SPATA31D1: variants seen among roughly 807,000 people sequenced by gnomAD.
SPATA31D1 encodes SPATA31 subfamily D member 1.
Under a neutral mutation model 13.2 loss-of-function variants are expected in SPATA31D1, and 6 were observed. That is an observed-to-expected ratio of 0.46 (90% CI 0.25 to 0.90). SPATA31D1 has a LOEUF of 0.90. Ranked by LOEUF, SPATA31D1 falls within the 40% of genes least tolerant of loss-of-function variation. The pLI, the probability that SPATA31D1 is intolerant of heterozygous loss-of-function variation, is 0.18. For missense variants in SPATA31D1, 2,445 were observed against 1,884.7 expected (o/e 1.30, Z -5.50); for synonymous variants, 903 against 718.8 (o/e 1.26, Z -4.10).
At chr9:81,987,894 G>T (rs142175796), upstream of SPATA31D1, among the ~76,000 whole-genome samples, 592 of 152,308 alleles carry the variant, frequency 3.9e-3, 6 homozygotes, top group African/African-American at 0.014. Flanking sequence ...AACTGGAGTT[G>T]GCACAGAACA....
chr9:81,991,799 G>A lies in SPATA31D1; in HGVS notation c.1329G>A (p.Arg443=), dbSNP rs750684430. ...KKPGSFPKQL[R]PNYQLNSSRN... ...CAGGATCATTCCCAAAACAACTTAG[G>A]CCAAACTACCAACTAAATTCCTCAC... Residue 443 remains arginine (R), a synonymous_variant, in exon 4 of 4, where the codon AGG becomes AGA. Coordinates refer to ENST00000344803, the MANE Select transcript of SPATA31D1 (RefSeq NM_001001670.3). 6.2e-7 allele frequency: 1 copy of A among 1,613,736 alleles called. No individual in the cohort carries two copies.
chr9:81,991,152 C>T lies in SPATA31D1; in HGVS notation c.682C>T (p.Pro228Ser). The T allele has an allele frequency of 1.2e-6, 2 of 1,613,838 alleles. No individual in the cohort carries two copies. The highest frequency in any genetic ancestry group is 1.3e-5 in the African/African-American group (1 of 75,052). ...CCCTCTGCCACCACAGCCTGTTTCT[C>T]CCTTGGATTCCAAGTTCCCCATAGA... ...RDPLPPQPVS[P>S]LDSKFPIDHS... The change falls in exon 4 of 4, where the codon CCC becomes TCC. Residue 228 changes from proline to serine, a missense_variant. By Grantham distance (74) the Pro-to-Ser change is moderately conservative (BLOSUM62 -1). Transcript: ENST00000344803.
chr9:81,992,118 C>G lies in SPATA31D1; in HGVS notation c.1648C>G (p.Pro550Ala), dbSNP rs761618731. The stretch of plus-strand genomic sequence containing the variant: ...CCATGAATCCCCAGTACTTCCCCCT[C>G]CCCAACCTCTGTCCTTGCCTAGTAC... ...ISHESPVLPP[P>A]QPLSLPSTQP... Residue 550 changes from proline to alanine, a missense_variant, in exon 4 of 4, where the codon CCC (proline) becomes GCC (alanine). Transcript: ENST00000344803. 3.1e-6 allele frequency: 5 copies of G among 1,613,658 alleles called. No homozygotes were observed. The highest frequency in any genetic ancestry group is 1.1e-5 in the South Asian group (1 of 91,070).
chr9:81,989,539 GCTAA>G lies in SPATA31D1; in HGVS notation c.187-236_187-233del, dbSNP rs532242173. On this transcript the variant is annotated intron_variant, in intron 1 of 3. Transcript: ENST00000344803. ...TGAGTCTTTGCCCTCCTTCAGAATT[GCTAA>G]CTGAGTACATCAAGTGTGGCTCTCA... is the stretch of plus-strand genomic sequence containing the variant. Among the ~76,000 whole-genome samples the G allele has an allele frequency of 4.5e-3, 679 of 152,296 alleles. 2 individuals are homozygous for G. Among genetic ancestry groups the G allele is most frequent in the African/African-American group, 0.015 (633 of 41,564 alleles).
Position 81,990,903 on chromosome 9 carries a change from T to A in SPATA31D1, c.433T>A (p.Ser145Thr), listed in dbSNP as rs991217840. 5 of 1,613,824 alleles carry A rather than the reference T, an allele frequency of 3.1e-6. No homozygotes were observed. Among genetic ancestry groups the A allele is most frequent in the Non-Finnish European group, 4.2e-6 (5 of 1,179,878 alleles). ...AACTGCTGATATCCAGCAACTGCTG[T>A]CTTGGGAGTCCCTGAAAGATGCTGC... ...RATADIQQLL[S>T]WESLKDAAPS... Residue 145 changes from serine (S) to threonine (T), a missense_variant, in exon 4 of 4, where the codon TCT becomes ACT. By Grantham distance (58) the Ser-to-Thr change is moderately conservative (BLOSUM62 1). Coordinates refer to ENST00000344803, the MANE Select transcript of SPATA31D1 (RefSeq NM_001001670.3).
rs1488224591 is a variant in SPATA31D1 at position 81,993,189 on chromosome 9, A to T, written c.2719A>T (p.Ile907Phe). 1 of 1,613,972 alleles carries T rather than the reference A, an allele frequency of 6.2e-7. No homozygotes were observed. The highest frequency in any genetic ancestry group is 1.1e-5 in the South Asian group (1 of 91,072). ...CAAACAAAAGATGTTGGAAGCCCAT[A>T]TTAAAACTTTCCGTATGAGGATGCT... ...SNKQKMLEAH[I>F]KTFRMRMLWG... The change falls in exon 4 of 4, where the codon ATT (isoleucine) becomes TTT (phenylalanine). Residue 907 changes from isoleucine (I) to phenylalanine (F), a missense_variant. By Grantham distance (21) the Ile-to-Phe change is conservative. Transcript: ENST00000344803.
Position 81,994,686 on chromosome 9 carries a change from A to G in SPATA31D1, c.4216A>G (p.Arg1406Gly). The part of the protein sequence containing the change: ...FTGTTEAQKI[R>G]KDTREFLEEK... The stretch of plus-strand genomic sequence containing the variant: ...TGGGACTACTGAAGCTCAGAAAATT[A>G]GGAAAGACACTAGGGAGTTCCTAGA... The change falls in exon 4 of 4, where the codon AGG (arginine) becomes GGG (glycine). Residue 1406 changes from arginine (R) to glycine (G), a missense_variant. Physicochemically the swap from Arg to Gly is moderately radical, Grantham distance 125 (BLOSUM62 -2). Coordinates refer to ENST00000344803, the MANE Select transcript of SPATA31D1 (RefSeq NM_001001670.3). The G allele has an allele frequency of 6.2e-7, 1 of 1,613,684 alleles. No homozygotes were observed. The highest frequency in any genetic ancestry group is 1.3e-5 in the African/African-American group (1 of 75,026).
Position 81,992,536 on chromosome 9 carries a change from A to C in SPATA31D1, c.2066A>C (p.Gln689Pro), listed in dbSNP as rs1824995527. 3 of 1,611,852 alleles carry C rather than the reference A, an allele frequency of 1.9e-6. No individual in the cohort carries two copies. Among genetic ancestry groups the C allele is most frequent in the Non-Finnish European group, 2.5e-6 (3 of 1,179,738 alleles). The part of the protein sequence containing the change: ...LSSEVRKKLE[Q>P]HIRRRLIQRR... ...TCTGAGGTAAGGAAGAAACTAGAGCAACACATTCGAAGGAGGCTCATCCAG... is the reference window on the plus strand; with the variant it reads ...TCTGAGGTAAGGAAGAAACTAGAGCCACACATTCGAAGGAGGCTCATCCAG... The change falls in exon 4 of 4, where the codon CAA becomes CCA. Residue 689 changes from glutamine (Q) to proline (P), a missense_variant. Physicochemically the swap from Gln to Pro is moderately conservative, Grantham distance 76. Transcript: ENST00000344803.
rs369084497 is a variant in SPATA31D1 at position 81,992,696 on chromosome 9, C to A, written c.2226C>A (p.Cys742Ter). ...TCTCTTTGGTTGAGGGTCAGAGGTG[C>A]AATGTTCTAAAGAAGTCCGCATCAA... ...LNISLVEGQR[C>*]NVLKKSASSF... Residue 742 changes from cysteine to a stop codon, truncating the protein, a stop_gained, in exon 4 of 4, where the codon TGC (cysteine) becomes TGA (stop). Transcript: ENST00000344803. LOFTEE classifies it low-confidence loss of function (END_TRUNC). 6.2e-7 allele frequency: 1 copy of A among 1,613,780 alleles called. No homozygotes were observed. Among genetic ancestry groups the A allele is most frequent in the Admixed American group, 1.7e-5 (1 of 60,016 alleles).
Position 81,995,222 on chromosome 9 carries a change from T to C in SPATA31D1, c.*21T>C. On this transcript the variant is annotated 3_prime_UTR_variant, in exon 4 of 4. Transcript: ENST00000344803. Reference sequence around the variant, plus strand: ...AATAATTCACTCCTTGTTGAGAATCTTGATTCTCCCCAATAAATGTTCCAA... The same window carrying C: ...AATAATTCACTCCTTGTTGAGAATCCTGATTCTCCCCAATAAATGTTCCAA... 6.8e-7 allele frequency: 1 copy of C among 1,472,798 alleles called. No individual in the cohort carries two copies. The highest frequency in any genetic ancestry group is 9.0e-7 in the Non-Finnish European group (1 of 1,105,590). 91.2% of individuals were successfully genotyped at this position (1,472,798 alleles called of 1,614,324 possible). A position where few individuals can be genotyped will look rare whatever the true frequency, so the allele number is the denominator to read the frequency against.
At position 81,992,023 on chromosome 9, in the gene SPATA31D1, C is replaced by A. The variant is rs770938754; in HGVS notation, c.1553C>A (p.Thr518Asn). The A allele has an allele frequency of 1.9e-6, 3 of 1,613,834 alleles. No individual in the cohort carries two copies. The highest frequency in any genetic ancestry group is 2.5e-6 in the Non-Finnish European group (3 of 1,179,726). Residue 518 changes from threonine to asparagine, a missense_variant, in exon 4 of 4, where the codon ACT becomes AAT. Thr to Asn is a moderately conservative substitution (Grantham distance 65, BLOSUM62 0). Transcript: ENST00000344803. ...PSLHSESLHP[T>N]VLVQRGHSSM... ...TTGCACAGCGAGTCTCTGCATCCTA[C>A]TGTTCTTGTCCAACGTGGCCATTCC...
In SPATA31D1 at chr9:81,992,525, G is replaced by A; in HGVS notation, c.2055G>A (p.Lys685=). The A allele has an allele frequency of 6.2e-7, 1 of 1,611,924 alleles. No individual in the cohort carries two copies. Among genetic ancestry groups the A allele is most frequent in the Non-Finnish European group, 8.5e-7 (1 of 1,179,726 alleles). The change falls in exon 4 of 4, where the codon AAG becomes AAA. Residue 685 remains lysine, a synonymous_variant. Transcript: ENST00000344803. ...TTCCACTCAGCTCTGAGGTAAGGAA[G>A]AAACTAGAGCAACACATTCGAAGGA... ...GDFPLSSEVR[K]KLEQHIRRRL...
chr9:81,992,234 C>T lies in SPATA31D1; in HGVS notation c.1764C>T (p.Phe588=). 6.2e-7 allele frequency: 1 copy of T among 1,613,762 alleles called. No individual in the cohort carries two copies. Among genetic ancestry groups the T allele is most frequent in the South Asian group, 1.1e-5 (1 of 91,074 alleles). ...CCCTGGCTCAACCTCAATCTCCATT[C>T]CGAGCCCTACTACCTAGTCCTCTAT... ...VKSLAQPQSP[F]RALLPSPLFL... Residue 588 remains phenylalanine, a synonymous_variant, in exon 4 of 4, where the codon TTC becomes TTT. Transcript: ENST00000344803.
chr9:81,994,449 A>G lies in SPATA31D1; in HGVS notation c.3979A>G (p.Thr1327Ala), dbSNP rs781353795. The G allele has an allele frequency of 2.5e-6, 4 of 1,613,648 alleles. No individual in the cohort carries two copies. Among genetic ancestry groups the G allele is most frequent in the Non-Finnish European group, 3.4e-6 (4 of 1,179,716 alleles). Reference protein sequence around the residue: ...RRKSLPVHNKTSGEVLGSKSS... With the variant: ...RRKSLPVHNKASGEVLGSKSS... ...AAAGAGCCTCCCTGTTCATAACAAG[A>G]CATCAGGGGAGGTGCTTGGGAGCAA... Residue 1327 changes from threonine to alanine, a missense_variant, in exon 4 of 4, where the codon ACA (threonine) becomes GCA (alanine). Transcript: ENST00000344803.
rs181758073 is a variant in SPATA31D1 at position 81,994,415 on chromosome 9, A to T, written c.3945A>T (p.Gln1315His). The part of the protein sequence containing the change: ...DGGDAGLGTS[Q>H]RRRKSLPVHN... The stretch of plus-strand genomic sequence containing the variant: ...GGGATGCAGGGCTGGGGACATCCCA[A>T]CGCAGGAGAAAGAGCCTCCCTGTTC... Residue 1315 changes from glutamine to histidine, a missense_variant, in exon 4 of 4, where the codon CAA becomes CAT. Coordinates refer to ENST00000344803, the MANE Select transcript of SPATA31D1 (RefSeq NM_001001670.3). 6.2e-7 allele frequency: 1 copy of T among 1,613,866 alleles called. No homozygotes were observed. Among genetic ancestry groups the T allele is most frequent in the East Asian group, 2.2e-5 (1 of 44,858 alleles).
At chr9:81,989,854 G>A in intron 2 of SPATA31D1, 31 bp downstream of exon 2, 3 of 1,609,968 alleles carry the variant, frequency 1.9e-6, no homozygotes, top group South Asian at 2.2e-5. Flanking sequence ...CTGAGCTTCA[G>A]GGGTGACCCT....
At chr9:81,988,374 T>C (rs184010660), upstream of SPATA31D1, among the ~76,000 whole-genome samples, 33 of 152,278 alleles carry the variant, frequency 2.2e-4, no homozygotes, top group East Asian at 6.0e-3. Context: ...AAACGTTCTG[T>C]AGGTAAGATG....
At chr9:81,987,783 C>T (rs982916719), upstream of SPATA31D1, among the ~76,000 whole-genome samples, 1 of 151,782 alleles carries the variant, frequency 6.6e-6, no homozygotes, top group Non-Finnish European at 1.5e-5. Context: ...ACAGGATAGG[C>T]GATTAAAAAA....
In SPATA31D1 at chr9:81,991,773, C is replaced by T. The variant is rs1824970159; in HGVS notation, c.1303C>T (p.Pro435Ser). 6.2e-7 allele frequency: 1 copy of T among 1,613,742 alleles called. No individual in the cohort carries two copies. Among genetic ancestry groups the T allele is most frequent in the Admixed American group, 1.7e-5 (1 of 60,014 alleles). The change falls in exon 4 of 4, where the codon CCA (proline) becomes TCA (serine). Residue 435 changes from proline (P) to serine (S), a missense_variant. Coordinates refer to ENST00000344803, the MANE Select transcript of SPATA31D1 (RefSeq NM_001001670.3). ...GATGTGGAAAGAAAATGGAAAGAAA[C>T]CAGGATCATTCCCAAAACAACTTAG... ...FLMWKENGKKPGSFPKQLRPN... is the reference protein window; with the variant it reads ...FLMWKENGKKSGSFPKQLRPN...
Sources: allele counts gnomAD v4.1 joint callset (sites outside exome capture counted in the v4.1 genomes callset), GRCh38; gene constraint gnomAD v4.1.1; transcripts MANE v1.5; gene names NCBI Gene and HGNC (gene_info 2026-07-23, HGNC 2026-07-21).